The following ITGA9 variants were observed in gnomAD, a reference collection of about 807,000 sequenced individuals.
ITGA9 encodes integrin alpha-9.
Under a neutral mutation model 127.8 loss-of-function variants are expected in ITGA9, and 56 were observed. That is an observed-to-expected ratio of 0.44 (90% CI 0.35 to 0.55). ITGA9 has a LOEUF of 0.55. Among genes scored for constraint, ITGA9 ranks in the 20% least tolerant of loss-of-function variants. The pLI, the probability that ITGA9 is intolerant of heterozygous loss-of-function variation, is 0.00. For synonymous variants in ITGA9, 508 were observed against 514.5 expected, an observed-to-expected ratio of 0.99 and a Z score of 0.17; for missense variants, 1,196 against 1,347.1, an observed-to-expected ratio of 0.89 and a Z score of 1.76.
At chr3:37,719,179 G>A (rs77267735) in intron 18 of ITGA9, among the ~76,000 whole-genome samples, 3,068 of 152,304 alleles carry the variant, frequency 0.02, 45 homozygotes, top group Middle Eastern at 0.054. Context: ...AGAGGAGATT[G>A]GAGCTGACCT....
chr3:37,629,118 A>G lies in ITGA9; in HGVS notation c.1690-69A>G. ...GCAATTCATGTAGAAGGTCTTTGTAAACTGTGAAATGCTCTACGACTGTCA... is the reference window on the plus strand; with the variant it reads ...GCAATTCATGTAGAAGGTCTTTGTAGACTGTGAAATGCTCTACGACTGTCA... On this transcript the variant is annotated intron_variant, in intron 15 of 27. Transcript: ENST00000264741. This position sits in a 1 kb window ranked among gnomAD's most constrained non-coding sequence, Gnocchi z 4.5. 6.3e-7 allele frequency: 1 copy of G among 1,575,184 alleles called. No homozygotes were observed. Among genetic ancestry groups the G allele is most frequent in the South Asian group, 1.1e-5 (1 of 90,108 alleles).
At chr3:37,489,781 CTG>C (rs1698649449) in intron 4 of ITGA9, among the ~76,000 whole-genome samples, 1 of 149,258 alleles carries the variant, frequency 6.7e-6, no homozygotes, top group African/African-American at 2.5e-5. Flanking sequence ...ATTTGCCACT[CTG>C]TTAGAAACAA....
intron 7 of ITGA9, among the ~76,000 whole-genome samples, chr3:37,507,410 C>T (rs1698856513): frequency 6.6e-6 from 1 of 151,982 alleles, no homozygotes; most frequent in African/African-American, 2.4e-5. Flanking sequence ...TTCTTTTCTC[C>T]CTAATTGCAG....
chr3:37,478,211 C>T (rs1006588151), intron 3 of ITGA9, among the ~76,000 whole-genome samples: 1 of 152,162 alleles, frequency 6.6e-6, no homozygotes, highest in Non-Finnish European at 1.5e-5. Flanking sequence ...CACCACACAC[C>T]ATTCTTAGCA....
chr3:37,512,113 CTTCCTTCTTTCTTTTCTTTTCTT>C (rs1698927761), intron 8 of ITGA9, among the ~76,000 whole-genome samples: 1 of 75,562 alleles, frequency 1.3e-5, no homozygotes, highest in African/African-American at 5.9e-5. Context: ...TCCTTCCTTC[CTTCCTTCTTTCTTTTCTTTTCTT>C]TTCTTTTCTT....
intron 4 of ITGA9, among the ~76,000 whole-genome samples, chr3:37,482,728 A>G (rs947652150): frequency 6.6e-6 from 1 of 152,192 alleles, no homozygotes; most frequent in Non-Finnish European, 1.5e-5. Flanking sequence ...CGTCCCCCAC[A>G]GAAGAGCCAG....
At chr3:37,668,661 G>A (rs571972928) in intron 17 of ITGA9, among the ~76,000 whole-genome samples, 1 of 152,266 alleles carries the variant, frequency 6.6e-6, no homozygotes, top group Non-Finnish European at 1.5e-5. Flanking sequence ...CTGAAGCAGC[G>A]CAGTTGTTTG....
intron 13 of ITGA9, among the ~76,000 whole-genome samples, chr3:37,529,767 AG>A (rs1485721286): frequency 6.6e-6 from 1 of 152,150 alleles, no homozygotes; most frequent in Non-Finnish European, 1.5e-5. Flanking sequence ...GACAAGAGGG[AG>A]GATGGGAGGC....
intron 18 of ITGA9, among the ~76,000 whole-genome samples, chr3:37,714,314 C>T (rs1006302521): frequency 6.6e-6 from 1 of 152,224 alleles, no homozygotes; most frequent in Admixed American, 6.5e-5. Flanking sequence ...TCCTTTTCAG[C>T]ACTTCCTCAC....
intron 1 of ITGA9, among the ~76,000 whole-genome samples, chr3:37,462,100 C>T (rs1698321683): frequency 6.6e-6 from 1 of 152,230 alleles, no homozygotes; most frequent in South Asian, 2.1e-4. Context: ...TTAGTGTTCA[C>T]TTGCTGCTTT....
At chr3:37,464,890 A>G (rs560062560) in intron 1 of ITGA9, among the ~76,000 whole-genome samples, 1 of 152,186 alleles carries the variant, frequency 6.6e-6, no homozygotes, top group Admixed American at 6.5e-5. Flanking sequence ...AGAGGTGGCT[A>G]TCCTGGCACC....
intron 18 of ITGA9, among the ~76,000 whole-genome samples, chr3:37,720,959 G>A (rs1240796583): frequency 6.6e-6 from 1 of 152,070 alleles, no homozygotes; most frequent in Non-Finnish European, 1.5e-5. Context: ...ATCTTTCAAA[G>A]CACTTTTTTC....
Position 37,780,007 on chromosome 3 carries a change from G to A in ITGA9, c.2773G>A (p.Glu925Lys). 1 of 1,613,958 alleles carries A rather than the reference G, an allele frequency of 6.2e-7. No individual in the cohort carries two copies. Among genetic ancestry groups the A allele is most frequent in the Non-Finnish European group, 8.5e-7 (1 of 1,179,958 alleles). The change falls in exon 25 of 28, where the codon GAA becomes AAA. Residue 925 changes from glutamate to lysine, a missense_variant. By Grantham distance (56) the Glu-to-Lys change is moderately conservative. Coordinates refer to ENST00000264741, the MANE Select transcript of ITGA9 (RefSeq NM_002207.3). Reference sequence around the variant, plus strand: ...AGACATTTACATGCTGCTGAACACAGAAATACTGAAAAAGGTAAGCCCTAA... The same window carrying A: ...AGACATTTACATGCTGCTGAACACAAAAATACTGAAAAAGGTAAGCCCTAA... ...TIDIYMLLNT[E>K]ILKKDSSSVI...
intron 15 of ITGA9, among the ~76,000 whole-genome samples, chr3:37,544,028 G>T (rs1167408879): frequency 6.6e-6 from 1 of 152,248 alleles, no homozygotes; most frequent in Admixed American, 6.5e-5. Flanking sequence ...TGCAAACACT[G>T]TCAGGCCTTT....
intron 1 of ITGA9, among the ~76,000 whole-genome samples, chr3:37,464,711 G>C (rs1698352085): frequency 6.6e-6 from 1 of 152,212 alleles, no homozygotes; most frequent in African/African-American, 2.4e-5. Context: ...AGAACTACTG[G>C]CTTAAAACCC....
At chr3:37,574,899 C>G (rs1435307402) in intron 15 of ITGA9, among the ~76,000 whole-genome samples, 2 of 152,196 alleles carry the variant, frequency 1.3e-5, no homozygotes, top group Non-Finnish European at 2.9e-5. Flanking sequence ...ACTTCTGGAC[C>G]TGGAACTCAT....
At chr3:37,657,918 A>G (rs1377756941) in intron 17 of ITGA9, among the ~76,000 whole-genome samples, 1 of 152,206 alleles carries the variant, frequency 6.6e-6, no homozygotes, top group East Asian at 1.9e-4. Context: ...GTTTCAAAGA[A>G]CTTATTTATT....
chr3:37,733,230 T>A (rs1435788353), intron 19 of ITGA9, among the ~76,000 whole-genome samples: 1 of 152,212 alleles, frequency 6.6e-6, no homozygotes, highest in African/African-American at 2.4e-5. Context: ...ACTCTCAAAA[T>A]TCTCAAAACA....
intron 15 of ITGA9, among the ~76,000 whole-genome samples, chr3:37,591,839 C>T (rs1446432782): frequency 1.3e-5 from 2 of 152,224 alleles, no homozygotes; most frequent in Non-Finnish European, 1.5e-5. Flanking sequence ...CCAGCCTGAG[C>T]GCCTTGGGTT....
Sources: allele counts gnomAD v4.1 joint callset (sites outside exome capture counted in the v4.1 genomes callset), GRCh38; gene constraint gnomAD v4.1.1; non-coding constraint Gnocchi (gnomAD v3.1); transcripts MANE v1.5; gene names NCBI Gene and HGNC (gene_info 2026-07-23, HGNC 2026-07-21).